KLHL25: variants seen among roughly 807,000 people sequenced by gnomAD.
The protein encoded by KLHL25 is kelch like family member 25.
A neutral mutation model predicts 30.0 loss-of-function variants in KLHL25; 41 were observed. The observed-to-expected ratio is 1.37, with a 90% CI of 1.07 to 1.78. KLHL25 has a LOEUF of 1.78. KLHL25 is among the 40% of genes most tolerant of loss of function. KLHL25 has a pLI of 0.00. For missense variants in KLHL25, 971 were observed against 824.5 expected (o/e 1.18, Z -2.18); for synonymous variants, 399 against 355.3 (o/e 1.12, Z -1.38).
chr15:85,788,013 G>A (rs745535624), intron 1 of KLHL25, among the ~76,000 whole-genome samples: 30 of 124,358 alleles, frequency 2.4e-4, no homozygotes, highest in South Asian at 5.2e-4. Flanking sequence ...CTGAGATCGC[G>A]CCACCGCACT....
intron 1 of KLHL25, among the ~76,000 whole-genome samples, chr15:85,784,117 G>T (rs563186035): frequency 6.6e-6 from 1 of 152,334 alleles, no homozygotes; most frequent in South Asian, 2.1e-4. Context: ...TCATGACAGA[G>T]ATTTTCAAAT....
intron 1 of KLHL25, among the ~76,000 whole-genome samples, chr15:85,782,690 T>C (rs2089751671): frequency 6.6e-6 from 1 of 152,182 alleles, no homozygotes; most frequent in South Asian, 2.1e-4. Flanking sequence ...TCTGAGCACC[T>C]ACAATGTGGT....
At chr15:85,781,387 T>C (rs1012723683) in intron 1 of KLHL25, among the ~76,000 whole-genome samples, 2 of 152,238 alleles carry the variant, frequency 1.3e-5, no homozygotes, top group Non-Finnish European at 2.9e-5. Flanking sequence ...GTTTTAGTAT[T>C]ACCACAAAAA....
rs2089654686 is a variant in KLHL25 at position 85,769,560 on chromosome 15, TC to T, written c.250del (p.Asp84MetfsTer69). On this transcript the variant is annotated frameshift_variant, in exon 2 of 3. Coordinates refer to ENST00000337975, the MANE Select transcript of KLHL25 (RefSeq NM_022480.4). LOFTEE classifies it high-confidence loss of function. ...GTTGTCCTGGAAGTTGACAGTGTCA[TC>T]CCGGCTCTCCCGAAGGCCATGGCTG... ...MFSHGLRESR[D>X]DTVNFQDNLH... The T allele has an allele frequency of 1.2e-6, 2 of 1,613,718 alleles. No individual in the cohort carries two copies. Among genetic ancestry groups the T allele is most frequent in the East Asian group, 4.5e-5 (2 of 44,870 alleles).
intron 1 of KLHL25, among the ~76,000 whole-genome samples, chr15:85,782,397 G>C (rs1289193508): frequency 1.3e-5 from 2 of 151,724 alleles, no homozygotes; most frequent in Non-Finnish European, 2.9e-5. Flanking sequence ...GCCAAATTGT[G>C]AGCGCTCCTG....
chr15:85,785,083 ATTTCTTT>A lies in KLHL25; in HGVS notation c.-11+9676_-11+9682del, dbSNP rs1226103011. Reference sequence around the variant, plus strand: ...GATGCTAGAGAGCAGAGACTGATGTATTTCTTTTTTCTTTTTTTTTTTTTTTCTGAGA... The same window carrying A: ...GATGCTAGAGAGCAGAGACTGATGTATTTCTTTTTTTTTTTTTTTCTGAGA... On this transcript the variant is annotated intron_variant, in intron 1 of 2. Transcript: ENST00000337975. Among the ~76,000 whole-genome samples the A allele has an allele frequency of 1.7e-4, 24 of 143,714 alleles. 1 individual carries two copies. The South Asian group carries it at 2.0e-3, about 12-fold the overall frequency. The allele number at this position is 143,714 out of a possible 152,430, so 94.3% of individuals were successfully genotyped here. A position where few individuals can be genotyped will look rare whatever the true frequency, so the allele number is the denominator to read the frequency against.
chr15:85,781,520 G>T (rs2089743054), intron 1 of KLHL25, among the ~76,000 whole-genome samples: 1 of 151,930 alleles, frequency 6.6e-6, no homozygotes, highest in Non-Finnish European at 1.5e-5. Context: ...CGTTCTTTTT[G>T]CCCAGGCTGG....
At chr15:85,774,780 A>C (rs1353293818) in intron 1 of KLHL25, among the ~76,000 whole-genome samples, 1 of 152,124 alleles carries the variant, frequency 6.6e-6, no homozygotes, top group African/African-American at 2.4e-5. Flanking sequence ...TGAACAGCTC[A>C]AATTATCTCT....
At chr15:85,777,959 C>A (rs1014545327) in intron 1 of KLHL25, among the ~76,000 whole-genome samples, 4 of 152,244 alleles carry the variant, frequency 2.6e-5, no homozygotes, top group African/African-American at 9.6e-5. Flanking sequence ...TTAATCCTCA[C>A]AACCAAGCTC....
intron 1 of KLHL25, 111 bp from the exon 2 acceptor site, chr15:85,769,931 C>T (rs1416809813): frequency 7.8e-6 from 7 of 899,794 alleles, no homozygotes; most frequent in Non-Finnish European, 1.2e-5. Flanking sequence ...ACTCTCTGCT[C>T]ACCTCTGCTA....
chr15:85,769,296 C>A lies in KLHL25; in HGVS notation c.515G>T (p.Cys172Phe). ...RRLYEFSWRM[C>F]LVHFETVRQS... The stretch of plus-strand genomic sequence containing the variant: ...CCTCACCGTCTCAAAGTGCACCAGG[C>A]ACATGCGCCAGGAGAACTCATACAG... The change falls in exon 2 of 3, where the codon TGC (cysteine) becomes TTC (phenylalanine). Residue 172 changes from cysteine to phenylalanine, a missense_variant. Transcript: ENST00000337975. The A allele has an allele frequency of 6.2e-7, 1 of 1,614,004 alleles. No homozygotes were observed. Among genetic ancestry groups the A allele is most frequent in the Non-Finnish European group, 8.5e-7 (1 of 1,179,980 alleles).
At chr15:85,791,243 C>G (rs755788923) in intron 1 of KLHL25, among the ~76,000 whole-genome samples, 1 of 147,978 alleles carries the variant, frequency 6.8e-6, no homozygotes. Context: ...TGCCTGTAAT[C>G]CCAGCACTTT....
chr15:85,777,602 C>T (rs2089717939), intron 1 of KLHL25, among the ~76,000 whole-genome samples: 1 of 152,226 alleles, frequency 6.6e-6, no homozygotes, highest in African/African-American at 2.4e-5. Flanking sequence ...ACTTGAAGGG[C>T]AGCCACTTTA....
intron 1 of KLHL25, among the ~76,000 whole-genome samples, chr15:85,793,333 C>T (rs544398606): frequency 6.6e-6 from 1 of 152,314 alleles, no homozygotes; most frequent in South Asian, 2.1e-4. Context: ...TATCAACCAC[C>T]CTGGAGTCAC....
chr15:85,784,865 G>A (rs1165901954), intron 1 of KLHL25, among the ~76,000 whole-genome samples: 2 of 152,182 alleles, frequency 1.3e-5, no homozygotes, highest in African/African-American at 4.8e-5. Flanking sequence ...CCAGCCTACA[G>A]AACTGTGCAT....
At chr15:85,766,694 C>T (rs1272739094) in intron 2 of KLHL25, among the ~76,000 whole-genome samples, 2 of 152,102 alleles carry the variant, frequency 1.3e-5, no homozygotes, top group African/African-American at 4.8e-5. Context: ...TTCCGTGTCA[C>T]CTGTTTTCAT....
intron 1 of KLHL25, among the ~76,000 whole-genome samples, chr15:85,773,000 A>G (rs55738258): frequency 0.17 from 25,978 of 152,260 alleles, 2,569 homozygotes; most frequent in Non-Finnish European, 0.23. Context: ...CCCTGAGCCA[A>G]TCTTCCACTG....
chr15:85,790,957 T>C (rs1172785452), intron 1 of KLHL25, among the ~76,000 whole-genome samples: 2 of 150,534 alleles, frequency 1.3e-5, no homozygotes, highest in African/African-American at 4.9e-5. Context: ...ATCCCAGCAC[T>C]TTGGGATGCC....
At chr15:85,788,056 C>CAAAAAAAA (rs60547525) in intron 1 of KLHL25, among the ~76,000 whole-genome samples, 3 of 58,298 alleles carry the variant, frequency 5.1e-5, no homozygotes, top group Non-Finnish European at 9.2e-5. Context: ...AACTAGATCT[C>CAAAAAAAA]AAAAAAAAAA....
Sources: allele counts gnomAD v4.1 joint callset (sites outside exome capture counted in the v4.1 genomes callset), GRCh38; gene constraint gnomAD v4.1.1; transcripts MANE v1.5; gene names NCBI Gene and HGNC (gene_info 2026-07-23, HGNC 2026-07-21).